The following ST6GALNAC1 variants were observed in gnomAD, a reference collection of about 807,000 sequenced individuals.
ST6GALNAC1 encodes alpha-N-acetylgalactosaminide alpha-2,6-sialyltransferase 1.
A neutral mutation model predicts 56.8 loss-of-function variants in ST6GALNAC1; 45 were observed. That is an observed-to-expected ratio of 0.79 (90% CI 0.62 to 1.02). The LOEUF (loss-of-function observed/expected upper bound fraction) is 1.02. Ranked by LOEUF, ST6GALNAC1 falls within the 50% of genes least tolerant of loss-of-function variation. The pLI is 0.00. For synonymous variants in ST6GALNAC1, 295 were observed against 297.8 expected (o/e 0.99, Z 0.10); for missense variants, 743 against 754.8 (o/e 0.98, Z 0.18).
chr17:76,621,182 C>CTTTTT (rs367846650), downstream of ST6GALNAC1, among the ~76,000 whole-genome samples: 488 of 105,260 alleles, frequency 4.6e-3, 2 homozygotes, highest in Middle Eastern at 0.013. Context: ...TTCTTTCTTT[C>CTTTTT]TTTCTTTTTT....
At chr17:76,639,473 G>A (rs552083242) in intron 1 of ST6GALNAC1, among the ~76,000 whole-genome samples, 3 of 152,122 alleles carry the variant, frequency 2.0e-5, no homozygotes, top group Non-Finnish European at 4.4e-5. Flanking sequence ...CTACTCTGGA[G>A]GCTGAGGCAG....
At chr17:76,628,937 G>T in intron 2 of ST6GALNAC1, 75 bp downstream of exon 2, 29 of 1,338,104 alleles carry the variant, frequency 2.2e-5, no homozygotes, top group Non-Finnish European at 2.9e-5. Flanking sequence ...GGTGAGGAGA[G>T]GGTGGGCTGG....
chr17:76,619,201 A>G, the ST6GALNAC1 span, among the ~76,000 whole-genome samples: 4 of 152,008 alleles, frequency 2.6e-5, no homozygotes, highest in East Asian at 7.7e-4. Flanking sequence ...TACCTTCCCT[A>G]CCCCAGCCCT....
At chr17:76,638,299 A>G (rs1365000142) in intron 1 of ST6GALNAC1, among the ~76,000 whole-genome samples, 1 of 152,156 alleles carries the variant, frequency 6.6e-6, no homozygotes, top group Non-Finnish European at 1.5e-5. Context: ...TCTACACATC[A>G]CTGAACAAAT....
chr17:76,635,796 T>TA (rs1316393048), intron 1 of ST6GALNAC1, among the ~76,000 whole-genome samples: 1 of 152,244 alleles, frequency 6.6e-6, no homozygotes, highest in South Asian at 2.1e-4. Flanking sequence ...AGATTAAAGA[T>TA]AAAAAAAGCA....
At chr17:76,634,752 T>C (rs1015914591) in intron 1 of ST6GALNAC1, among the ~76,000 whole-genome samples, 1 of 151,886 alleles carries the variant, frequency 6.6e-6, no homozygotes, top group African/African-American at 2.4e-5. Context: ...GGCATGGTGG[T>C]GCATGCCTGT....
Position 76,626,408 on chromosome 17 carries a change from AGG to A in ST6GALNAC1, c.1312-18_1312-17del. 6.2e-7 allele frequency: 1 copy of A among 1,612,500 alleles called. No homozygotes were observed. The highest frequency in any genetic ancestry group is 8.5e-7 in the Non-Finnish European group (1 of 1,178,862). On this transcript the variant is annotated splice_polypyrimidine_tract_variant and intron_variant, in intron 5 of 8. Transcript: ENST00000156626. ...AGCGGACGTCCTGAGGACCAAGGAC[AGG>A]GAGTGGTCCAAAAGTACTGCCTTCA...
chr17:76,636,951 GTTGATCTA>G (rs760373442), intron 1 of ST6GALNAC1, among the ~76,000 whole-genome samples: 209 of 152,316 alleles, frequency 1.4e-3, no homozygotes, highest in South Asian at 2.1e-3. Flanking sequence ...TTGGGATCCT[GTTGATCTA>G]TGACCTTACC....
downstream of ST6GALNAC1, among the ~76,000 whole-genome samples, chr17:76,621,022 G>A (rs1214057749): frequency 6.6e-6 from 1 of 152,160 alleles, no homozygotes; most frequent in Non-Finnish European, 1.5e-5. Context: ...CTAAAGCTGA[G>A]AGAATATTCT....
intron 8 of ST6GALNAC1, 135 bp downstream of exon 8, chr17:76,625,684 C>T (rs947688167): frequency 1.8e-6 from 2 of 1,117,082 alleles, no homozygotes; most frequent in Non-Finnish European, 2.5e-6. Flanking sequence ...TAACTGCATG[C>T]ACCCATACTC....
chr17:76,618,466 T>C, the ST6GALNAC1 span, among the ~76,000 whole-genome samples: 1 of 152,156 alleles, frequency 6.6e-6, no homozygotes, highest in Admixed American at 6.5e-5. Flanking sequence ...TAGGTTGATC[T>C]TGAACTGTAT....
downstream of ST6GALNAC1, among the ~76,000 whole-genome samples, chr17:76,623,310 C>T (rs908914401): frequency 1.3e-5 from 2 of 152,198 alleles, no homozygotes; most frequent in African/African-American, 4.8e-5. Context: ...TCTCTCATAG[C>T]TTTTCTTTCG....
chr17:76,629,620 T>G lies in ST6GALNAC1; in HGVS notation c.223A>C (p.Ile75Leu). 1 of 1,613,722 alleles carries G rather than the reference T, an allele frequency of 6.2e-7. No individual in the cohort carries two copies. ...QAPTRARRTT[I>L]YAEPVPENNA... ...TTCTCTGGCACTGGCTCTGCATAGA[T>G]GGTTGTCCTCCTTGCCCTTGTGGGT... Residue 75 changes from isoleucine to leucine, a missense_variant, in exon 2 of 9, where the codon ATC becomes CTC. By Grantham distance (5) the Ile-to-Leu change is conservative (BLOSUM62 2). Coordinates refer to ENST00000156626, the MANE Select transcript of ST6GALNAC1 (RefSeq NM_018414.5).
chr17:76,623,343 C>T (rs2075759671), downstream of ST6GALNAC1, among the ~76,000 whole-genome samples: 1 of 152,214 alleles, frequency 6.6e-6, no homozygotes, highest in Non-Finnish European at 1.5e-5. Context: ...GCTCTTCTTA[C>T]ATTTTTATCC....
chr17:76,622,355 C>A (rs958145589), downstream of ST6GALNAC1, among the ~76,000 whole-genome samples: 2 of 151,430 alleles, frequency 1.3e-5, no homozygotes, highest in African/African-American at 2.4e-5. Context: ...TTTCACCATG[C>A]AACATTTTAT....
At chr17:76,623,673 A>G (rs557355993), downstream of ST6GALNAC1, among the ~76,000 whole-genome samples, 21 of 152,298 alleles carry the variant, frequency 1.4e-4, no homozygotes, top group Non-Finnish European at 2.4e-4. Flanking sequence ...CTAACTTACT[A>G]TAATATGTAG....
intron 1 of ST6GALNAC1, among the ~76,000 whole-genome samples, chr17:76,640,430 C>T (rs144204884): frequency 0.011 from 1,643 of 152,278 alleles, 32 homozygotes; most frequent in African/African-American, 0.036. Context: ...CTGGGAAGGC[C>T]AGGCCCGGTC....
At position 76,643,649 on chromosome 17, in the gene ST6GALNAC1, C is replaced by A; in HGVS notation, c.-11G>T. Reference sequence around the variant, plus strand: ...CAGGCAGGACCTCATGGTGGTGGGTCGGGTTCTAGAGGAAGGTTCTGCATG... The same window carrying A: ...CAGGCAGGACCTCATGGTGGTGGGTAGGGTTCTAGAGGAAGGTTCTGCATG... On this transcript the variant is annotated 5_prime_UTR_variant, in exon 1 of 9. Transcript: ENST00000156626. 6.2e-7 allele frequency: 1 copy of A among 1,613,286 alleles called. No individual in the cohort carries two copies. The highest frequency in any genetic ancestry group is 1.1e-5 in the South Asian group (1 of 90,960).
At chr17:76,630,037 C>T (rs1004945181) in intron 1 of ST6GALNAC1, among the ~76,000 whole-genome samples, 2 of 152,196 alleles carry the variant, frequency 1.3e-5, no homozygotes, top group South Asian at 2.1e-4. Flanking sequence ...CCACCTGCCT[C>T]GGCCTCCCAA....
Sources: gnomAD v4.1 joint callset for allele counts (sites outside exome capture counted in the v4.1 genomes callset) on GRCh38, gnomAD v4.1.1 for gene constraint, MANE v1.5 for transcripts, NCBI Gene and HGNC (gene_info 2026-07-23, HGNC 2026-07-21) for gene names.